The following RCAN3 variants were observed in gnomAD, a reference collection of about 807,000 sequenced individuals.
RCAN3 encodes the protein regulator of calcineurin 3.
A neutral mutation model predicts 21.9 loss-of-function variants in RCAN3; 19 were observed. The ratio of observed to expected loss-of-function variants is 0.87; its 90% CI spans 0.61 to 1.27. The LOEUF (loss-of-function observed/expected upper bound fraction) is 1.27. RCAN3 is among the 50% of genes most tolerant of loss of function. The pLI is 0.00. For missense variants in RCAN3, 240 were observed against 300.1 expected, an observed-to-expected ratio of 0.80 and a Z score of 1.48; for synonymous variants, 114 against 112.3, an observed-to-expected ratio of 1.01 and a Z score of -0.09.
At position 24,540,117 on chromosome 1, in the gene RCAN3, A is replaced by C. The variant is rs1650423397; in HGVS notation, c.*4840A>C. The C allele has an allele frequency of 6.6e-6, 1 of 152,212 alleles. No individual in the cohort carries two copies. Among genetic ancestry groups the C allele is most frequent in the Admixed American group, 6.5e-5 (1 of 15,276 alleles). The allele number at this position is 152,212 out of a possible 1,614,324, so 9.4% of individuals were successfully genotyped here. ...GTTGTTTCATTGTGAATCAGGGGAA[A>C]ATGTTAATCATTTGGAGACTGTTTT... On this transcript the variant is annotated 3_prime_UTR_variant, in exon 5 of 5. Transcript: ENST00000374395.
chr1:24,513,227 ACT>A, intron 1 of RCAN3, among the ~76,000 whole-genome samples: 1 of 151,612 alleles, frequency 6.6e-6, no homozygotes, highest in East Asian at 1.9e-4. Flanking sequence ...ACAGAGCGAG[ACT>A]CTGTCTCAAA....
At chr1:24,510,665 G>T (rs1049634078) in intron 1 of RCAN3, among the ~76,000 whole-genome samples, 1 of 152,196 alleles carries the variant, frequency 6.6e-6, no homozygotes, top group Non-Finnish European at 1.5e-5. Flanking sequence ...TCGTATCAGC[G>T]ATAAGTCTGT....
intron 2 of RCAN3, among the ~76,000 whole-genome samples, chr1:24,522,807 T>A (rs755140138): frequency 1.3e-5 from 2 of 152,122 alleles, no homozygotes; most frequent in Non-Finnish European, 2.9e-5. Context: ...AATTTTTAGG[T>A]TATGCAAAAA....
intron 1 of RCAN3, among the ~76,000 whole-genome samples, chr1:24,504,897 TG>T (rs1374565438): frequency 1.3e-5 from 2 of 152,266 alleles, no homozygotes; most frequent in Non-Finnish European, 2.9e-5. Context: ...TTTTGTAGGC[TG>T]GTTTTTGTTG....
chr1:24,515,798 A>G (rs1648269298), intron 2 of RCAN3, among the ~76,000 whole-genome samples: 1 of 152,210 alleles, frequency 6.6e-6, no homozygotes, highest in African/African-American at 2.4e-5. Flanking sequence ...AAGGCCAGGC[A>G]GCAGGGATGA....
chr1:24,524,144 C>T (rs573910862), intron 2 of RCAN3, among the ~76,000 whole-genome samples: 7 of 152,140 alleles, frequency 4.6e-5, no homozygotes, highest in Admixed American at 1.3e-4. Context: ...GCAGGAGAAT[C>T]GCTTGAACCT....
chr1:24,530,938 A>T (rs1187452659), intron 2 of RCAN3, among the ~76,000 whole-genome samples: 1 of 152,140 alleles, frequency 6.6e-6, no homozygotes. Flanking sequence ...TGAATCCAAG[A>T]GGTGGAGGTT....
chr1:24,517,009 T>C (rs1295442122), intron 2 of RCAN3, among the ~76,000 whole-genome samples: 1 of 152,200 alleles, frequency 6.6e-6, no homozygotes, highest in African/African-American at 2.4e-5. Flanking sequence ...AAAAACCAGA[T>C]GAATTGCCAA....
chr1:24,539,156 A>G lies in RCAN3; in HGVS notation c.*3879A>G, dbSNP rs971534935. ...CCCAGGGACTACAACTGGCAATCCC[A>G]ACTCCTGGGCTAGGGCTTTTTCTAC... On this transcript the variant is annotated 3_prime_UTR_variant, in exon 5 of 5. Transcript: ENST00000374395. 4 of 152,078 alleles carry G rather than the reference A, an allele frequency of 2.6e-5. No individual in the cohort carries two copies. Among genetic ancestry groups the G allele is most frequent in the Non-Finnish European group, 5.9e-5 (4 of 68,014 alleles). The allele number at this position is 152,078 out of a possible 1,614,324, so 9.4% of individuals were successfully genotyped here.
intron 1 of RCAN3, among the ~76,000 whole-genome samples, chr1:24,513,878 G>A (rs1333907755): frequency 6.6e-6 from 1 of 152,162 alleles, no homozygotes; most frequent in African/African-American, 2.4e-5. Flanking sequence ...ATATTTCAGG[G>A]TACAGATGGT....
At chr1:24,530,884 C>G (rs888614764) in intron 2 of RCAN3, among the ~76,000 whole-genome samples, 5 of 151,998 alleles carry the variant, frequency 3.3e-5, no homozygotes, top group Admixed American at 3.3e-4. Flanking sequence ...GTGGCCGGCC[C>G]CTATAATCCC....
At chr1:24,530,181 C>T (rs998679941) in intron 2 of RCAN3, among the ~76,000 whole-genome samples, 4 of 151,184 alleles carry the variant, frequency 2.6e-5, no homozygotes, top group African/African-American at 9.7e-5. Flanking sequence ...TGGCAAAACC[C>T]CATCTCTACT....
chr1:24,510,730 G>A (rs901573591), intron 1 of RCAN3, among the ~76,000 whole-genome samples: 1 of 152,068 alleles, frequency 6.6e-6, no homozygotes, highest in East Asian at 1.9e-4. Flanking sequence ...AATTTCCTTT[G>A]GGAACTTTTC....
intron 2 of RCAN3, among the ~76,000 whole-genome samples, chr1:24,520,469 G>A (rs1001025108): frequency 1.3e-5 from 2 of 152,168 alleles, no homozygotes; most frequent in African/African-American, 4.8e-5. Context: ...ACATTAAGAT[G>A]TCAGTACATA....
At chr1:24,529,649 C>A (rs1335647678) in intron 2 of RCAN3, among the ~76,000 whole-genome samples, 1 of 148,428 alleles carries the variant, frequency 6.7e-6, no homozygotes, top group Non-Finnish European at 1.5e-5. Flanking sequence ...TTCCCAGGTT[C>A]GAGCAATTCT....
At chr1:24,513,457 G>A (rs1049493147) in intron 1 of RCAN3, among the ~76,000 whole-genome samples, 9 of 152,022 alleles carry the variant, frequency 5.9e-5, no homozygotes, top group East Asian at 1.9e-4. Context: ...CCTGAGGTTA[G>A]GAGTTGGAGA....
rs570145545 is a variant in RCAN3 at position 24,538,697 on chromosome 1, G to A, written c.*3420G>A. 3.9e-5 allele frequency: 6 copies of A among 152,084 alleles called. No homozygotes were observed. The highest frequency in any genetic ancestry group is 2.0e-4 in the Admixed American group (3 of 15,276). 9.4% of individuals were successfully genotyped at this position (152,084 alleles called of 1,614,324 possible). The stretch of plus-strand genomic sequence containing the variant: ...CAAAGTGCTGGGATTAACCAGGCGT[G>A]AGCCACTGCGCCCGGCCTTAAATAA... On this transcript the variant is annotated 3_prime_UTR_variant, in exon 5 of 5. Coordinates refer to ENST00000374395, the MANE Select transcript of RCAN3 (RefSeq NM_013441.4).
At chr1:24,531,004 C>T (rs900153537) in intron 2 of RCAN3, among the ~76,000 whole-genome samples, 3 of 152,002 alleles carry the variant, frequency 2.0e-5, no homozygotes, top group Non-Finnish European at 2.9e-5. Flanking sequence ...AATGAGACTC[C>T]GTCTCAAACA....
intron 1 of RCAN3, among the ~76,000 whole-genome samples, chr1:24,513,423 T>C (rs1388591866): frequency 1.3e-5 from 2 of 152,142 alleles, no homozygotes; most frequent in Non-Finnish European, 2.9e-5. Flanking sequence ...CCCAGCACTT[T>C]AGGAGACTGA....
Sources: allele counts gnomAD v4.1 joint callset (sites outside exome capture counted in the v4.1 genomes callset), GRCh38; gene constraint gnomAD v4.1.1; transcripts MANE v1.5; gene names NCBI Gene and HGNC (gene_info 2026-07-23, HGNC 2026-07-21).